The following TMEM117 variants were observed in gnomAD, a reference collection of about 807,000 sequenced individuals.
The protein encoded by TMEM117 is transmembrane protein 117.
In TMEM117, 27 loss-of-function variants were observed where a neutral mutation model predicts 52.4. The ratio of observed to expected loss-of-function variants is 0.51; its 90% CI spans 0.38 to 0.71. The LOEUF is 0.71. Among genes scored for constraint, TMEM117 ranks in the 30% least tolerant of loss-of-function variants. The pLI is 0.00. For synonymous variants in TMEM117, 215 were observed against 206.3 expected (o/e 1.04, Z -0.36); for missense variants, 556 against 630.5 (o/e 0.88, Z 1.26).
At chr12:44,278,739 A>T (rs775161028) in intron 5 of TMEM117, among the ~76,000 whole-genome samples, 1 of 152,248 alleles carries the variant, frequency 6.6e-6, no homozygotes, top group Non-Finnish European at 1.5e-5. Flanking sequence ...GGTTTTGCCC[A>T]TAAATATCTA....
At chr12:44,291,774 C>A (rs58802461) in intron 5 of TMEM117, among the ~76,000 whole-genome samples, 24,971 of 151,898 alleles carry the variant, frequency 0.16, 3,560 homozygotes, top group African/African-American at 0.39. Flanking sequence ...CCTTTATTCT[C>A]TTAATGTGAT....
intron 5 of TMEM117, among the ~76,000 whole-genome samples, chr12:44,269,775 T>C (rs1465141631): frequency 3.3e-5 from 5 of 152,234 alleles, no homozygotes; most frequent in East Asian, 1.9e-4. Context: ...CAGATACTTA[T>C]GTTTCTATAT....
chr12:44,205,234 G>T (rs1318394859), intron 4 of TMEM117, among the ~76,000 whole-genome samples: 1 of 152,142 alleles, frequency 6.6e-6, no homozygotes, highest in African/African-American at 2.4e-5. Flanking sequence ...CCCCCATACT[G>T]TTCTTGTGGT....
At chr12:44,007,084 C>A (rs1378085355) in intron 3 of TMEM117, among the ~76,000 whole-genome samples, 1 of 152,110 alleles carries the variant, frequency 6.6e-6, no homozygotes, top group East Asian at 1.9e-4. Context: ...GTGCATGTAC[C>A]TTATAATAAC....
At chr12:44,273,232 TG>T (rs1182239499) in intron 5 of TMEM117, among the ~76,000 whole-genome samples, 1 of 150,098 alleles carries the variant, frequency 6.7e-6, no homozygotes, top group South Asian at 2.2e-4. Context: ...GGGGTGGAGG[TG>T]GGGGGATAGC....
At chr12:44,213,561 C>T (rs1321521581) in intron 5 of TMEM117, among the ~76,000 whole-genome samples, 1 of 152,166 alleles carries the variant, frequency 6.6e-6, no homozygotes, top group African/African-American at 2.4e-5. Flanking sequence ...ATGTCCCCAC[C>T]CAAATCTCAT....
At chr12:44,122,601 C>T (rs1948255627) in intron 3 of TMEM117, among the ~76,000 whole-genome samples, 1 of 152,072 alleles carries the variant, frequency 6.6e-6, no homozygotes, top group African/African-American at 2.4e-5. Flanking sequence ...GCATATTGTT[C>T]CCTGCCATGT....
At chr12:44,225,162 T>G (rs1197393967) in intron 5 of TMEM117, among the ~76,000 whole-genome samples, 2 of 152,190 alleles carry the variant, frequency 1.3e-5, no homozygotes, top group Non-Finnish European at 2.9e-5. Flanking sequence ...AGAAAAATAC[T>G]TAGTATACTT....
At chr12:44,009,849 G>T in intron 3 of TMEM117, 1 of 273,496 alleles carries the variant, frequency 3.7e-6, no homozygotes, top group African/African-American at 2.3e-5. Context: ...GTGCAAAATG[G>T]TCAGGAACTG....
At chr12:44,390,515 T>C (rs1229145281), downstream of TMEM117, among the ~76,000 whole-genome samples, 1 of 152,092 alleles carries the variant, frequency 6.6e-6, no homozygotes, top group Non-Finnish European at 1.5e-5. Flanking sequence ...AATTTTTACA[T>C]GGGTATTAAT....
At chr12:43,857,187 G>A (rs1943415314) in intron 2 of TMEM117, among the ~76,000 whole-genome samples, 3 of 152,166 alleles carry the variant, frequency 2.0e-5, no homozygotes, top group Non-Finnish European at 2.9e-5. Flanking sequence ...GAATCGTCTG[G>A]CTGCTCTAGT....
intron 3 of TMEM117, among the ~76,000 whole-genome samples, chr12:43,990,242 G>T (rs997779440): frequency 6.6e-6 from 1 of 152,002 alleles, no homozygotes; most frequent in African/African-American, 2.4e-5. Context: ...TTCAACCCAC[G>T]TGAAAAATGT....
At chr12:44,375,350 G>A (rs1951927081) in intron 6 of TMEM117, among the ~76,000 whole-genome samples, 1 of 152,168 alleles carries the variant, frequency 6.6e-6, no homozygotes, top group Admixed American at 6.6e-5. Flanking sequence ...GGATAATGTT[G>A]CATCGTTCTG....
the TMEM117 span, among the ~76,000 whole-genome samples, chr12:43,817,718 A>G: frequency 2.5e-4 from 38 of 152,208 alleles, no homozygotes; most frequent in African/African-American, 8.7e-4. Context: ...CTTAGCATCA[A>G]TGCAGAAAAA....
At chr12:44,090,849 G>GTTTTTTTTTTTTTTTTTTTTTTT (rs541939145) in intron 3 of TMEM117, among the ~76,000 whole-genome samples, 1 of 101,654 alleles carries the variant, frequency 9.8e-6, no homozygotes, top group African/African-American at 3.8e-5. Context: ...GTTTTTTTTT[G>GTTTTTTTTTTTTTTTTTTTTTTT]TTTTTTTTTT....
chr12:43,807,125 G>A, the TMEM117 span, among the ~76,000 whole-genome samples: 8 of 152,054 alleles, frequency 5.3e-5, no homozygotes, highest in African/African-American at 1.9e-4. Flanking sequence ...TTTGTGGGGG[G>A]TTTGGTTTTT....
At chr12:44,180,520 C>T (rs1174354046) in intron 4 of TMEM117, among the ~76,000 whole-genome samples, 2 of 115,554 alleles carry the variant, frequency 1.7e-5, no homozygotes, top group African/African-American at 6.8e-5. Context: ...CACCCCACAA[C>T]AGTCCCCAGA....
intron 4 of TMEM117, among the ~76,000 whole-genome samples, chr12:44,150,039 C>T (rs1948698902): frequency 6.6e-6 from 1 of 152,178 alleles, no homozygotes; most frequent in East Asian, 1.9e-4. Context: ...GGGTCTTTCT[C>T]TTTTGCTGTC....
intron 3 of TMEM117, among the ~76,000 whole-genome samples, chr12:44,014,017 C>T (rs933157259): frequency 3.9e-5 from 6 of 151,988 alleles, no homozygotes; most frequent in Non-Finnish European, 8.8e-5. Context: ...AGGGGAGGGG[C>T]ATAGGGAGAA....
Sources: allele counts gnomAD v4.1 joint callset (sites outside exome capture counted in the v4.1 genomes callset), GRCh38; gene constraint gnomAD v4.1.1; transcripts MANE v1.5; gene names NCBI Gene and HGNC (gene_info 2026-07-23, HGNC 2026-07-21).